ZC3H12B: variants seen among roughly 807,000 people sequenced by gnomAD.
ZC3H12B encodes the protein probable ribonuclease ZC3H12B.
In ZC3H12B, 7 loss-of-function variants were observed where a neutral mutation model predicts 43.9. That is an observed-to-expected ratio of 0.16 (90% CI 0.09 to 0.30). The LOEUF is 0.30. Ranked by LOEUF, ZC3H12B falls within the 10% of genes least tolerant of loss-of-function variation. The probability of loss-of-function intolerance (pLI) is 1.00; values close to 1 mark genes in which losing one functional copy is unlikely to be tolerated. For synonymous variants in ZC3H12B, 222 were observed against 241.7 expected, an observed-to-expected ratio of 0.92 and a Z score of 0.76; for missense variants, 475 against 670.2, an observed-to-expected ratio of 0.71 and a Z score of 3.22.
chrX:65,472,395 T>C (rs1310481040), intron 3 of ZC3H12B, among the ~76,000 whole-genome samples: 1 of 89,700 alleles, frequency 1.1e-5, no homozygotes, highest in Admixed American at 1.0e-4. Flanking sequence ...TTTTTTGTTT[T>C]TTTTGTTTGT....
At chrX:65,135,721 A>T in the ZC3H12B span, among the ~76,000 whole-genome samples, 2 of 95,145 alleles carry the variant, frequency 2.1e-5, no homozygotes, top group Non-Finnish European at 2.1e-5. Context: ...TTAGCCACAC[A>T]TGTCTCTGAT....
the ZC3H12B span, among the ~76,000 whole-genome samples, chrX:65,196,159 G>A: frequency 4.0e-5 from 4 of 100,539 alleles, no homozygotes; most frequent in East Asian, 9.4e-4. Flanking sequence ...CTCGAAAGGT[G>A]CGCTGCCTCA....
At chrX:65,212,333 A>T in the ZC3H12B span, among the ~76,000 whole-genome samples, 2 of 47,352 alleles carry the variant, frequency 4.2e-5, no homozygotes, top group South Asian at 1.6e-3. Flanking sequence ...TATATTATAT[A>T]ATATATAATA....
At chrX:65,488,760 A>G (rs2068162442) in exon 1 of ZC3H12B, 1 of 1,108,210 alleles carries the variant, frequency 9.0e-7, no homozygotes. Flanking sequence ...CAGGCTAAAA[A>G]GAAAAAGAAC....
intron 3 of ZC3H12B, among the ~76,000 whole-genome samples, chrX:65,415,943 C>T (rs2066955281): frequency 1.8e-5 from 2 of 111,695 alleles, no homozygotes; most frequent in Admixed American, 9.5e-5. Flanking sequence ...GAAATGGGGG[C>T]ATGTTTTCCA....
chrX:65,110,690 T>C, the ZC3H12B span, among the ~76,000 whole-genome samples: 3 of 111,866 alleles, frequency 2.7e-5, no homozygotes, highest in African/African-American at 9.7e-5. Flanking sequence ...TTTCTTCTTT[T>C]CAAAATTGTT....
chrX:65,296,395 G>T, the ZC3H12B span, among the ~76,000 whole-genome samples: 5 of 110,686 alleles, frequency 4.5e-5, no homozygotes, highest in African/African-American at 1.3e-4. Context: ...ACACATTTGG[G>T]TACAGTATAC....
the ZC3H12B span, among the ~76,000 whole-genome samples, chrX:65,234,279 G>A: frequency 7.1e-5 from 8 of 112,109 alleles, no homozygotes; most frequent in African/African-American, 9.7e-5. Flanking sequence ...TCCAATATAT[G>A]CCAAATAAAT....
intron 3 of ZC3H12B, among the ~76,000 whole-genome samples, chrX:65,410,451 A>C (rs2066891308): frequency 8.9e-6 from 1 of 111,986 alleles, no homozygotes; most frequent in Non-Finnish European, 1.9e-5. Context: ...AACCAAAGCA[A>C]AAATAGACAA....
At chrX:65,232,288 A>G in the ZC3H12B span, among the ~76,000 whole-genome samples, 1 of 111,137 alleles carries the variant, frequency 9.0e-6, no homozygotes, top group South Asian at 3.8e-4. Context: ...GAGAAATTAT[A>G]AAAGTATTGA....
chrX:65,077,577 G>T, the ZC3H12B span, among the ~76,000 whole-genome samples: 1 of 112,169 alleles, frequency 8.9e-6, no homozygotes, highest in Non-Finnish European at 1.9e-5. Context: ...GTGGAAGCTG[G>T]ATTTTCCAGG....
chrX:65,451,352 T>G (rs2067508235), intron 3 of ZC3H12B, among the ~76,000 whole-genome samples: 1 of 111,792 alleles, frequency 8.9e-6, no homozygotes, highest in South Asian at 3.7e-4. Context: ...TCAAGTAGTG[T>G]ATGGAACTTC....
chrX:65,173,072 C>G, the ZC3H12B span, among the ~76,000 whole-genome samples: 1 of 111,637 alleles, frequency 9.0e-6, no homozygotes, highest in Non-Finnish European at 1.9e-5. Flanking sequence ...GAATGTTTCT[C>G]CATTTGTGTC....
the ZC3H12B span, among the ~76,000 whole-genome samples, chrX:65,206,869 A>G: frequency 9.0e-6 from 1 of 111,414 alleles, no homozygotes; most frequent in Admixed American, 9.6e-5. Context: ...AATTTGCAAA[A>G]GAAGATATAG....
the ZC3H12B span, among the ~76,000 whole-genome samples, chrX:65,211,999 A>T: frequency 1.5e-5 from 1 of 67,192 alleles, no homozygotes; most frequent in Non-Finnish European, 2.4e-5. Flanking sequence ...AATATATGTT[A>T]TGTATACTAT....
the ZC3H12B span, among the ~76,000 whole-genome samples, chrX:65,283,423 A>G: frequency 1.8e-5 from 2 of 112,091 alleles, no homozygotes; most frequent in Non-Finnish European, 3.8e-5. Flanking sequence ...CAAGACAGGG[A>G]TGCCCTCTCT....
At chrX:65,105,192 G>A in the ZC3H12B span, among the ~76,000 whole-genome samples, 1 of 110,024 alleles carries the variant, frequency 9.1e-6, no homozygotes, top group East Asian at 2.9e-4. Context: ...TCATAGGTGG[G>A]AGTTGAACAA....
chrX:65,482,731 T>C (rs1239892507), intron 3 of ZC3H12B, among the ~76,000 whole-genome samples: 1 of 112,053 alleles, frequency 8.9e-6, no homozygotes, highest in East Asian at 2.8e-4. Context: ...GTGTGTGTAG[T>C]ACTAAATGTT....
chrX:65,303,750 A>G, the ZC3H12B span, among the ~76,000 whole-genome samples: 1 of 112,659 alleles, frequency 8.9e-6, no homozygotes, highest in Non-Finnish European at 1.9e-5. Context: ...TCTATATACC[A>G]GCAATAAACC....
Sources: gnomAD v4.1 joint callset for allele counts (sites outside exome capture counted in the v4.1 genomes callset) on GRCh38, gnomAD v4.1.1 for gene constraint, MANE v1.5 for transcripts, NCBI Gene and HGNC (gene_info 2026-07-23, HGNC 2026-07-21) for gene names.